The following SORBS2 variants were observed in gnomAD, a reference collection of about 807,000 sequenced individuals.
SORBS2 encodes sorbin and SH3 domain-containing protein 2.
In SORBS2, 46 loss-of-function variants were observed where a neutral mutation model predicts 97.7. The ratio of observed to expected loss-of-function variants is 0.47; its 90% confidence interval spans 0.37 to 0.60. The LOEUF (loss-of-function observed/expected upper bound fraction) is 0.60, where lower values mean the gene tolerates loss of function less well. Among genes scored for constraint, SORBS2 ranks in the 20% least tolerant of loss-of-function variants. The pLI, the probability that SORBS2 is intolerant of heterozygous loss-of-function variation, is 0.00. For synonymous variants in SORBS2, 476 were observed against 473.4 expected (o/e 1.01, Z -0.07); for missense variants, 1,316 against 1,282.3 (o/e 1.03, Z -0.40).
In SORBS2 at chr4:185,623,983, C is replaced by A. The variant is rs1377816472; in HGVS notation, c.1146G>T (p.Leu382=). ...TGTGCTGCTGCTCGCTCTCGTACTG[C>A]AGAATCCTGGACTTCACGGAGCAGA... The change falls in exon 7 of 15, where the codon CTG becomes CTT. Residue 382 remains leucine (L), a synonymous_variant. Transcript: ENST00000418609. The surrounding 1 kb of genome is among the most constrained non-coding windows in gnomAD (Gnocchi z 6.4). 5.6e-6 allele frequency: 9 copies of A among 1,614,230 alleles called. No individual in the cohort carries two copies. The highest frequency in any genetic ancestry group is 6.8e-6 in the Non-Finnish European group (8 of 1,180,038).
At position 185,949,619 on chromosome 4, in the gene SORBS2, AT is replaced by A. The variant is rs2099276213; in HGVS notation, c.-338+6576del. 2.0e-5 allele frequency among the ~76,000 whole-genome samples: 3 copies of A among 152,128 alleles called. No homozygotes were observed. The South Asian group carries it at 6.2e-4, about 32-fold the overall frequency. ...TTAAGGGAAGGAATAATGTTAAAAA[AT>A]TGAATTTTAACAATCATAACTGTGC... On this transcript the variant is annotated intron_variant, in intron 1 of 20. Transcript: ENST00000284776.
intron 2 of SORBS2, among the ~76,000 whole-genome samples, chr4:185,752,243 T>C (rs562699009): frequency 1.6e-4 from 25 of 152,322 alleles, no homozygotes; most frequent in Non-Finnish European, 3.1e-4. Flanking sequence ...AATTTTAAAA[T>C]ATGTACATAT....
chr4:185,677,104 G>A lies in SORBS2; in HGVS notation c.-46+1319C>T, dbSNP rs1470524388. 4 of 1,551,510 alleles carry A rather than the reference G, an allele frequency of 2.6e-6. No individual in the cohort carries two copies. The African/African-American group carries it at 5.5e-5, about 21-fold the overall frequency. On this transcript the variant is annotated intron_variant, in intron 4 of 20. Transcript: ENST00000284776. ...GGAGAAAGCTCAGGTAGCTGTTTGTGGCTTTCAAGATCCTGTCCTGAAAGG... is the reference window on the plus strand; with the variant it reads ...GGAGAAAGCTCAGGTAGCTGTTTGTAGCTTTCAAGATCCTGTCCTGAAAGG...
chr4:185,858,505 T>C (rs2099221933), intron 1 of SORBS2, among the ~76,000 whole-genome samples: 1 of 152,178 alleles, frequency 6.6e-6, no homozygotes, highest in Non-Finnish European at 1.5e-5. Flanking sequence ...AAAATCATGG[T>C]AAAATAAGAT....
chr4:185,720,915 G>C (rs921128729), intron 2 of SORBS2, among the ~76,000 whole-genome samples: 3 of 151,950 alleles, frequency 2.0e-5, no homozygotes, highest in African/African-American at 7.3e-5. Context: ...CGTGACCGTA[G>C]GCCCATCGCT....
intron 12 of SORBS2, among the ~76,000 whole-genome samples, chr4:185,608,327 C>T (rs1416451109): frequency 1.3e-5 from 2 of 152,166 alleles, no homozygotes; most frequent in East Asian, 3.8e-4. Flanking sequence ...CAGAATGAAG[C>T]TGAGCTTACA....
upstream of SORBS2, among the ~76,000 whole-genome samples, chr4:185,659,396 ATTCAAGCTAGTCC>A (rs966099801): frequency 6.6e-6 from 1 of 152,032 alleles, no homozygotes; most frequent in African/African-American, 2.4e-5. Context: ...TGAAAATAAC[ATTCAAGCTAGTCC>A]TTATTTTTAC....
chr4:185,949,130 A>C (rs919414072), intron 1 of SORBS2, among the ~76,000 whole-genome samples: 2 of 152,208 alleles, frequency 1.3e-5, no homozygotes. Flanking sequence ...AGGAAACAGC[A>C]CATATAATGG....
chr4:185,677,376 T>A (rs1215924318), intron 4 of SORBS2: 1 of 1,552,384 alleles, frequency 6.4e-7, no homozygotes, highest in South Asian at 1.2e-5. Context: ...TGGTGCAGGA[T>A]CCGTGCTGGA....
chr4:185,659,143 A>C (rs1244533582), upstream of SORBS2, among the ~76,000 whole-genome samples: 2 of 152,346 alleles, frequency 1.3e-5, no homozygotes, highest in Non-Finnish European at 2.9e-5. Context: ...AGTTTGCATC[A>C]GAAAGTCATT....
intron 1 of SORBS2, among the ~76,000 whole-genome samples, chr4:185,845,131 G>C (rs766505176): frequency 1.3e-5 from 2 of 150,776 alleles, no homozygotes; most frequent in Admixed American, 6.6e-5. Flanking sequence ...TCCCACCTCA[G>C]CCCCCCTAGT....
At chr4:185,870,137 G>A (rs1043039987) in intron 1 of SORBS2, among the ~76,000 whole-genome samples, 5 of 152,150 alleles carry the variant, frequency 3.3e-5, no homozygotes, top group African/African-American at 1.2e-4. Flanking sequence ...TTGGGCCATT[G>A]TATGCTCTAA....
At chr4:185,791,709 G>GA (rs977273270) in intron 1 of SORBS2, among the ~76,000 whole-genome samples, 24 of 151,628 alleles carry the variant, frequency 1.6e-4, no homozygotes, top group Admixed American at 6.6e-4. Flanking sequence ...TTAAAAATGT[G>GA]AAAAAAATAA....
chr4:185,868,212 A>G (rs1396159536), intron 1 of SORBS2, among the ~76,000 whole-genome samples: 28 of 127,980 alleles, frequency 2.2e-4, no homozygotes, highest in African/African-American at 6.2e-4. Flanking sequence ...GCTGGAGTGC[A>G]GTGGCACGAT....
At chr4:185,951,859 A>C (rs900228305) in intron 1 of SORBS2, among the ~76,000 whole-genome samples, 3 of 152,136 alleles carry the variant, frequency 2.0e-5, no homozygotes, top group African/African-American at 7.2e-5. Flanking sequence ...ACAAATACTT[A>C]TGCAATATTT....
At chr4:185,800,890 C>A (rs1418827006) in intron 1 of SORBS2, among the ~76,000 whole-genome samples, 2 of 152,168 alleles carry the variant, frequency 1.3e-5, no homozygotes, top group Admixed American at 1.3e-4. Flanking sequence ...CACTTCTTAT[C>A]TTTTTTGTGG....
At chr4:185,685,407 G>A (rs750954776) in intron 2 of SORBS2, among the ~76,000 whole-genome samples, 5 of 152,164 alleles carry the variant, frequency 3.3e-5, no homozygotes, top group Non-Finnish European at 5.9e-5. Context: ...TGGCATCATG[G>A]AAAGTCCACT....
At chr4:185,605,528 C>T (rs1375508637) in intron 12 of SORBS2, among the ~76,000 whole-genome samples, 1 of 151,992 alleles carries the variant, frequency 6.6e-6, no homozygotes, top group Non-Finnish European at 1.5e-5. Context: ...AGATGATCCA[C>T]CAGCCTTGGG....
At position 185,864,911 on chromosome 4, in the gene SORBS2, CA is replaced by C. The variant is rs34469356; in HGVS notation, c.-337-89546del. Among the ~76,000 whole-genome samples the C allele has an allele frequency of 7.8e-5, 11 of 140,806 alleles. No homozygotes were observed. The East Asian group carries it at 1.4e-3, about 19-fold the overall frequency. The allele number at this position is 140,806 out of a possible 152,430, so 92.4% of individuals were successfully genotyped here. On this transcript the variant is annotated intron_variant, in intron 1 of 20. Transcript: ENST00000284776. ...TGGGCGATAGAGTGAGACTCTGTCTCAAAAAAAAAAGAAAAAGAAAAGCATA... is the reference window on the plus strand; with the variant it reads ...TGGGCGATAGAGTGAGACTCTGTCTCAAAAAAAAAGAAAAAGAAAAGCATA...
Sources: allele counts gnomAD v4.1 joint callset (sites outside exome capture counted in the v4.1 genomes callset), GRCh38; gene constraint gnomAD v4.1.1; non-coding constraint Gnocchi (gnomAD v3.1); transcripts MANE v1.5; gene names NCBI Gene and HGNC (gene_info 2026-07-23, HGNC 2026-07-21).